MCCC2: variants seen among roughly 807,000 people sequenced by gnomAD.
MCCC2 encodes the protein methylcrotonoyl-CoA carboxylase beta chain, mitochondrial.
Under a neutral mutation model 77.2 loss-of-function variants are expected in MCCC2, and 52 were observed. That is an observed-to-expected ratio of 0.67 (90% CI 0.54 to 0.85). The LOEUF is 0.85. MCCC2 is among the 40% of genes least tolerant of loss of function. MCCC2 has a pLI of 0.00. For missense variants in MCCC2, 682 were observed against 703.2 expected, an observed-to-expected ratio of 0.97 and a Z score of 0.34; for synonymous variants, 253 against 248.4, an observed-to-expected ratio of 1.02 and a Z score of -0.18.
intron 6 of MCCC2, among the ~76,000 whole-genome samples, chr5:71,608,804 A>G (rs1293771840): frequency 2.0e-5 from 3 of 151,896 alleles, no homozygotes; most frequent in Non-Finnish European, 4.4e-5. Context: ...TCTGTAAAGG[A>G]TTTTATTTCT....
At chr5:71,614,201 C>G (rs1430310431) in intron 6 of MCCC2, among the ~76,000 whole-genome samples, 1 of 151,904 alleles carries the variant, frequency 6.6e-6, no homozygotes, top group African/African-American at 2.4e-5. Flanking sequence ...TGAGCCTTTC[C>G]TGAATATATG....
intron 6 of MCCC2, among the ~76,000 whole-genome samples, chr5:71,614,029 T>TAC (rs35292468): frequency 2.2e-3 from 327 of 148,396 alleles, no homozygotes; most frequent in South Asian, 4.3e-3. Flanking sequence ...ACGTATATAA[T>TAC]ACACACACAC....
At chr5:71,633,131 A>ATTTTTTT (rs1306338509) in intron 8 of MCCC2, among the ~76,000 whole-genome samples, 5 of 78,070 alleles carry the variant, frequency 6.4e-5, no homozygotes, top group African/African-American at 1.0e-4. Context: ...ATATATATAT[A>ATTTTTTT]TTTTTATTTT....
At chr5:71,622,555 A>G (rs1009471080) in intron 6 of MCCC2, among the ~76,000 whole-genome samples, 2 of 152,196 alleles carry the variant, frequency 1.3e-5, no homozygotes, top group African/African-American at 4.8e-5. Flanking sequence ...CATTCCCCCA[A>G]TAGCAGTCAC....
At chr5:71,636,933 G>A (rs1285026366) in intron 10 of MCCC2, among the ~76,000 whole-genome samples, 11 of 151,456 alleles carry the variant, frequency 7.3e-5, no homozygotes, top group Non-Finnish European at 1.3e-4. Context: ...TAGTAGAGGC[G>A]GGGTTTCACC....
At position 71,657,908 on chromosome 5, in the gene MCCC2, T is replaced by C. The variant is rs1316128252; in HGVS notation, c.*1048T>C. On this transcript the variant is annotated 3_prime_UTR_variant, in exon 17 of 17. Transcript: ENST00000340941. Reference sequence around the variant, plus strand: ...ATATCCAGTAGGTCTACTGGACATCTGTACTGGTTGTTGTGGAGGAACCTC... The same window carrying C: ...ATATCCAGTAGGTCTACTGGACATCCGTACTGGTTGTTGTGGAGGAACCTC... The C allele has an allele frequency of 6.6e-6, 1 of 152,146 alleles. No individual in the cohort carries two copies. The highest frequency in any genetic ancestry group is 1.5e-5 in the Non-Finnish European group (1 of 68,036). The allele number at this position is 152,146 out of a possible 1,614,324, so 9.4% of individuals were successfully genotyped here.
intron 7 of MCCC2, among the ~76,000 whole-genome samples, chr5:71,628,263 T>C (rs1746601225): frequency 1.3e-5 from 2 of 152,282 alleles, no homozygotes; most frequent in African/African-American, 4.8e-5. Context: ...GTAAGAATTC[T>C]ATATGTGTTC....
At chr5:71,605,987 A>G (rs949013642) in intron 6 of MCCC2, among the ~76,000 whole-genome samples, 1 of 152,146 alleles carries the variant, frequency 6.6e-6, no homozygotes, top group African/African-American at 2.4e-5. Context: ...GCCTTGTAGT[A>G]CAGTTTGAAG....
At chr5:71,626,015 G>C (rs1201021419) in intron 6 of MCCC2, among the ~76,000 whole-genome samples, 2 of 152,020 alleles carry the variant, frequency 1.3e-5, no homozygotes, top group Admixed American at 1.3e-4. Context: ...TAATTTCTGA[G>C]CAAGATTTTT....
intron 6 of MCCC2, among the ~76,000 whole-genome samples, chr5:71,612,645 A>G (rs1199186982): frequency 6.6e-6 from 1 of 152,204 alleles, no homozygotes; most frequent in African/African-American, 2.4e-5. Context: ...GCCTGAGCCA[A>G]CATGCTGGGC....
intron 6 of MCCC2, among the ~76,000 whole-genome samples, chr5:71,615,249 G>C (rs575328663): frequency 2.0e-5 from 3 of 152,028 alleles, no homozygotes; most frequent in Non-Finnish European, 2.9e-5. Flanking sequence ...GATTATAGGC[G>C]TGAGCCACCG....
At chr5:71,593,523 A>T (rs1745062921) in intron 2 of MCCC2, among the ~76,000 whole-genome samples, 1 of 151,556 alleles carries the variant, frequency 6.6e-6, no homozygotes, top group Non-Finnish European at 1.5e-5. Flanking sequence ...TCAAATTCAT[A>T]AATTTTATGA....
At chr5:71,631,834 C>G (rs1402350522) in intron 7 of MCCC2, among the ~76,000 whole-genome samples, 1 of 152,196 alleles carries the variant, frequency 6.6e-6, no homozygotes, top group East Asian at 1.9e-4. Flanking sequence ...GCCACCGCGC[C>G]CGGCCAGGTC....
chr5:71,635,905 G>A (rs1432230310), intron 10 of MCCC2: 1 of 161,374 alleles, frequency 6.2e-6, no homozygotes, highest in Admixed American at 6.1e-5. Context: ...TATATTAGTT[G>A]TGAAAAATAT....
intron 8 of MCCC2, 81 bp from the exon 9 acceptor site, chr5:71,634,862 G>A: frequency 8.0e-7 from 1 of 1,248,826 alleles, no homozygotes; most frequent in Non-Finnish European, 1.2e-6. Flanking sequence ...ATCTTTAGAT[G>A]AGAGAAGATA....
rs1745493312 is a variant in MCCC2, at chr5:71,602,791, G to A, written c.511+158G>A. On this transcript the variant is annotated intron_variant, in intron 5 of 16. Coordinates refer to ENST00000340941, the MANE Select transcript of MCCC2 (RefSeq NM_022132.5). ...CACAGGTTCTTTGCTGAAAACTCTGGGGGAAAGTAAACAAGAACTGTTCAT... is the reference window on the plus strand; with the variant it reads ...CACAGGTTCTTTGCTGAAAACTCTGAGGGAAAGTAAACAAGAACTGTTCAT... The A allele has an allele frequency of 5.5e-6, 6 of 1,096,862 alleles. No individual in the cohort carries two copies. In the East Asian group the frequency reaches 1.0e-4, roughly 19 times the overall value. 67.9% of individuals were successfully genotyped at this position (1,096,862 alleles called of 1,614,324 possible). A position where few individuals can be genotyped will look rare whatever the true frequency, so the allele number is the denominator to read the frequency against.
At chr5:71,641,392 G>T (rs963884381) in intron 11 of MCCC2, 6 of 333,360 alleles carry the variant, frequency 1.8e-5, no homozygotes, top group African/African-American at 1.1e-4. Context: ...TTGTTTTTCT[G>T]GATAACAATA....
In MCCC2 at chr5:71,602,541, T is replaced by G; in HGVS notation, c.419T>G (p.Val140Gly). 6.2e-7 allele frequency: 1 copy of G among 1,614,126 alleles called. No individual in the cohort carries two copies. Among genetic ancestry groups the G allele is most frequent in the Non-Finnish European group, 8.5e-7 (1 of 1,180,018 alleles). ...ATGATTATTGCCAATGATGCCACCG[T>G]CAAAGGAGGTGCCTACTACCCAGTG... Reference protein sequence around the residue: ...ECMIIANDATVKGGAYYPVTV... With the variant: ...ECMIIANDATGKGGAYYPVTV... The change falls in exon 5 of 17, where the codon GTC becomes GGC. Residue 140 changes from valine (V) to glycine (G), a missense_variant. Coordinates refer to ENST00000340941, the MANE Select transcript of MCCC2 (RefSeq NM_022132.5).
At chr5:71,604,131 G>A (rs1254471773) in intron 5 of MCCC2, among the ~76,000 whole-genome samples, 1 of 152,154 alleles carries the variant, frequency 6.6e-6, no homozygotes, top group East Asian at 1.9e-4. Flanking sequence ...TAACCATTTC[G>A]AGAAGAATTT....
Sources: allele counts gnomAD v4.1 joint callset (sites outside exome capture counted in the v4.1 genomes callset), GRCh38; gene constraint gnomAD v4.1.1; transcripts MANE v1.5; gene names NCBI Gene and HGNC (gene_info 2026-07-23, HGNC 2026-07-21).